SLC10A7: variants seen among roughly 807,000 people sequenced by gnomAD.
SLC10A7 encodes the protein sodium/bile acid cotransporter 7.
In SLC10A7, 29 loss-of-function variants were observed where a neutral mutation model predicts 43.2. The observed-to-expected ratio is 0.67, with a 90% CI of 0.50 to 0.92. The LOEUF (loss-of-function observed/expected upper bound fraction) is 0.92, where lower values mean the gene tolerates loss of function less well. Among genes scored for constraint, SLC10A7 ranks in the 40% least tolerant of loss-of-function variants. SLC10A7 has a pLI of 0.00. For synonymous variants in SLC10A7, 152 were observed against 144.8 expected, an observed-to-expected ratio of 1.05 and a Z score of -0.35; for missense variants, 295 against 403.2, an observed-to-expected ratio of 0.73 and a Z score of 2.30.
chr4:146,287,446 G>T (rs775282328), intron 9 of SLC10A7, among the ~76,000 whole-genome samples: 1 of 152,100 alleles, frequency 6.6e-6, no homozygotes, highest in Non-Finnish European at 1.5e-5. Flanking sequence ...GTGAACAAGG[G>T]GAGTGAAAAA....
intron 4 of SLC10A7, among the ~76,000 whole-genome samples, chr4:146,452,502 C>T (rs566114376): frequency 6.6e-6 from 1 of 152,110 alleles, no homozygotes; most frequent in African/African-American, 2.4e-5. Context: ...TTCTAAAGTG[C>T]TATAAAAAGT....
intron 5 of SLC10A7, among the ~76,000 whole-genome samples, chr4:146,367,734 T>G (rs1736495302): frequency 6.6e-6 from 1 of 152,220 alleles, no homozygotes; most frequent in African/African-American, 2.4e-5. Context: ...CTCATTGCTT[T>G]ATCCAACATT....
At chr4:146,487,542 C>T (rs1735030616) in intron 4 of SLC10A7, among the ~76,000 whole-genome samples, 1 of 152,192 alleles carries the variant, frequency 6.6e-6, no homozygotes, top group Admixed American at 6.5e-5. Flanking sequence ...AGATCTAGAT[C>T]TTACATGGCT....
intron 4 of SLC10A7, among the ~76,000 whole-genome samples, chr4:146,473,281 A>G (rs1271227612): frequency 6.6e-6 from 1 of 152,172 alleles, no homozygotes; most frequent in Non-Finnish European, 1.5e-5. Context: ...ATTATTGAAA[A>G]CAGTTTTTTT....
At chr4:146,326,386 T>C (rs1733104969) in intron 5 of SLC10A7, among the ~76,000 whole-genome samples, 1 of 152,212 alleles carries the variant, frequency 6.6e-6, no homozygotes, top group Non-Finnish European at 1.5e-5. Context: ...TTAGTCCCAG[T>C]TGGGGTCCTC....
intron 5 of SLC10A7, among the ~76,000 whole-genome samples, chr4:146,349,841 G>A (rs1417345581): frequency 6.6e-6 from 1 of 152,050 alleles, no homozygotes; most frequent in Non-Finnish European, 1.5e-5. Context: ...AATAGAGCAG[G>A]GATGAAGGAA....
chr4:146,433,325 T>TACATATTCTC (rs1729937155), intron 5 of SLC10A7, among the ~76,000 whole-genome samples: 1 of 151,334 alleles, frequency 6.6e-6, no homozygotes, highest in African/African-American at 2.4e-5. Flanking sequence ...CCATGCCCGG[T>TACATATTCTC]ACATATTCTC....
intron 5 of SLC10A7, among the ~76,000 whole-genome samples, chr4:146,353,405 A>C (rs1387291469): frequency 2.1e-5 from 3 of 142,680 alleles, no homozygotes; most frequent in East Asian, 2.0e-4. Context: ...ATAGTTTACC[A>C]ACCAAAAAGA....
chr4:146,431,641 A>T, intron 5 of SLC10A7, among the ~76,000 whole-genome samples: 1 of 152,140 alleles, frequency 6.6e-6, no homozygotes, highest in East Asian at 1.9e-4. Flanking sequence ...ATACACAAAC[A>T]TTAATTCAAA....
chr4:146,313,869 A>C (rs1732147348), intron 6 of SLC10A7, among the ~76,000 whole-genome samples: 1 of 152,152 alleles, frequency 6.6e-6, no homozygotes, highest in South Asian at 2.1e-4. Context: ...CATATTCTTG[A>C]TTCTTGTTTG....
chr4:146,434,177 C>T (rs1251539863), intron 5 of SLC10A7, among the ~76,000 whole-genome samples: 2 of 152,058 alleles, frequency 1.3e-5, no homozygotes, highest in Non-Finnish European at 1.5e-5. Flanking sequence ...GTCTATACAA[C>T]GTAATATCAG....
At chr4:146,512,500 G>T (rs549083202) in intron 2 of SLC10A7, among the ~76,000 whole-genome samples, 27 of 152,234 alleles carry the variant, frequency 1.8e-4, no homozygotes, top group African/African-American at 6.3e-4. Flanking sequence ...AAACATAAGA[G>T]AATCATTTAA....
chr4:146,379,781 A>T (rs1737470968), intron 5 of SLC10A7, among the ~76,000 whole-genome samples: 1 of 152,192 alleles, frequency 6.6e-6, no homozygotes, highest in Non-Finnish European at 1.5e-5. Context: ...TTTCTAGATC[A>T]TCCCACTATT....
At chr4:146,391,882 C>A (rs986345493) in intron 5 of SLC10A7, among the ~76,000 whole-genome samples, 27 of 152,118 alleles carry the variant, frequency 1.8e-4, no homozygotes, top group African/African-American at 6.5e-4. Flanking sequence ...GCCCACTGGC[C>A]CCTACAAAAT....
At chr4:146,476,341 G>A (rs1457736744) in intron 4 of SLC10A7, among the ~76,000 whole-genome samples, 3 of 152,160 alleles carry the variant, frequency 2.0e-5, no homozygotes, top group Non-Finnish European at 2.9e-5. Context: ...TAAATAAGGC[G>A]GAGGCGAGAG....
intron 4 of SLC10A7, among the ~76,000 whole-genome samples, chr4:146,502,986 A>G (rs541192972): frequency 6.6e-6 from 1 of 152,238 alleles, no homozygotes; most frequent in African/African-American, 2.4e-5. Context: ...AAATGTACAC[A>G]TATGTCAAAA....
intron 4 of SLC10A7, among the ~76,000 whole-genome samples, chr4:146,474,118 A>G (rs1236304533): frequency 2.9e-5 from 3 of 103,838 alleles, no homozygotes; most frequent in Non-Finnish European, 3.8e-5. Flanking sequence ...CCTGAGGAAA[A>G]GTCAAATAAA....
chr4:146,442,012 C>T, intron 5 of SLC10A7: 1 of 978,964 alleles, frequency 1.0e-6, no homozygotes, highest in Non-Finnish European at 1.2e-6. Flanking sequence ...TACATATCTG[C>T]TAATGAGTTA....
chr4:146,347,183 G>C (rs1001698333), intron 5 of SLC10A7, among the ~76,000 whole-genome samples: 13 of 152,114 alleles, frequency 8.5e-5, no homozygotes, highest in African/African-American at 3.1e-4. Flanking sequence ...TGTGTGAAAG[G>C]CCTGTAGACA....
Sources: gnomAD v4.1 joint callset for allele counts (sites outside exome capture counted in the v4.1 genomes callset) on GRCh38, gnomAD v4.1.1 for gene constraint, MANE v1.5 for transcripts, NCBI Gene and HGNC (gene_info 2026-07-23, HGNC 2026-07-21) for gene names.